Variants in EIF2B3 observed in about 807,000 individuals in gnomAD.
The protein encoded by EIF2B3 is eukaryotic translation initiation factor 2B subunit gamma, also known as translation initiation factor eIF2B subunit gamma.
In EIF2B3, 20 loss-of-function variants were observed where a neutral mutation model predicts 54.1. That is an observed-to-expected ratio of 0.37 (90% CI 0.26 to 0.54). EIF2B3 has a LOEUF of 0.54. Ranked by LOEUF, EIF2B3 falls within the 20% of genes least tolerant of loss-of-function variation. The pLI, the probability that EIF2B3 is intolerant of heterozygous loss-of-function variation, is 0.86. For missense variants in EIF2B3, 448 were observed against 547.8 expected, an observed-to-expected ratio of 0.82 and a Z score of 1.82; for synonymous variants, 153 against 188.1, an observed-to-expected ratio of 0.81 and a Z score of 1.52.
rs117332497 is a variant in EIF2B3 at position 44,927,668 on chromosome 1, G to C, written c.455-929C>G. Among the ~76,000 whole-genome samples, 655 of 152,256 alleles carry C rather than the reference G, an allele frequency of 4.3e-3. 3 individuals carry two copies. Among genetic ancestry groups the C allele is most frequent in the East Asian group, 7.7e-3 (40 of 5,172 alleles). ...TATTAATTGGTGACGTTTAAACAAG[G>C]TCTGTATGTTAAAGTATGGTACCAA... On this transcript the variant is annotated intron_variant, in intron 4 of 11. Transcript: ENST00000360403.
intron 10 of EIF2B3, among the ~76,000 whole-genome samples, chr1:44,866,174 G>A (rs527956211): frequency 1.3e-5 from 2 of 152,088 alleles, no homozygotes; most frequent in South Asian, 4.2e-4. Context: ...GGAGGTGGGC[G>A]GCTAATGAGG....
chr1:44,958,577 G>A (rs750673255), intron 3 of EIF2B3: 27 of 1,440,356 alleles, frequency 1.9e-5, no homozygotes, highest in Non-Finnish European at 2.6e-5. Context: ...GTGAAGACAT[G>A]CTACTTTGTA....
chr1:44,856,653 AGGCATAT>A (rs1460662955), intron 11 of EIF2B3, among the ~76,000 whole-genome samples: 4 of 152,066 alleles, frequency 2.6e-5, no homozygotes, highest in Non-Finnish European at 4.4e-5. Context: ...CCCAAAAGGA[AGGCATAT>A]GACTTTAAAA....
At chr1:44,950,540 TG>T (rs1376162216) in intron 3 of EIF2B3, among the ~76,000 whole-genome samples, 1 of 151,906 alleles carries the variant, frequency 6.6e-6, no homozygotes, top group Non-Finnish European at 1.5e-5. Context: ...GTTAGGGATA[TG>T]GGGTGGGGGT....
chr1:44,894,374 T>C (rs1367188536), intron 6 of EIF2B3, among the ~76,000 whole-genome samples: 1 of 152,156 alleles, frequency 6.6e-6, no homozygotes, highest in Non-Finnish European at 1.5e-5. Flanking sequence ...CTGTAGCTTT[T>C]CTGCTTGGTC....
chr1:44,926,658 T>C lies in EIF2B3; in HGVS notation c.536A>G (p.Glu179Gly). 1.2e-6 allele frequency: 2 copies of C among 1,614,030 alleles called. No individual in the cohort carries two copies. The highest frequency in any genetic ancestry group is 1.7e-6 in the Non-Finnish European group (2 of 1,179,982). The change falls in exon 5 of 12, where the codon GAG (glutamate) becomes GGG (glycine). Residue 179 changes from glutamate to glycine, a missense_variant. By Grantham distance (98) the Glu-to-Gly change is moderately conservative. Coordinates refer to ENST00000360403, the MANE Select transcript of EIF2B3 (RefSeq NM_020365.5). ...FMANEADLDE[E>G]LVIKGSILQK... ...TAGGATGGATCCCTTAATGACCAGCTCTTCATCCAAGTCTGCTTCATTAGC... is the reference window on the plus strand; with the variant it reads ...TAGGATGGATCCCTTAATGACCAGCCCTTCATCCAAGTCTGCTTCATTAGC...
At chr1:44,978,923 C>T (rs1030321104) in intron 2 of EIF2B3, among the ~76,000 whole-genome samples, 3 of 151,848 alleles carry the variant, frequency 2.0e-5, no homozygotes, top group Non-Finnish European at 2.9e-5. Flanking sequence ...AGACGTGAAC[C>T]ACTGCATCTG....
intron 3 of EIF2B3, among the ~76,000 whole-genome samples, chr1:44,970,735 A>T (rs1253145112): frequency 1.3e-5 from 2 of 152,196 alleles, no homozygotes; most frequent in Non-Finnish European, 2.9e-5. Flanking sequence ...TGTTAATTCT[A>T]ATCAGTTAAT....
intron 4 of EIF2B3, among the ~76,000 whole-genome samples, chr1:44,931,000 G>A (rs776469646): frequency 2.0e-5 from 3 of 152,102 alleles, no homozygotes; most frequent in Non-Finnish European, 2.9e-5. Context: ...GTTGCCTCCT[G>A]GTATTCACAT....
At chr1:44,873,235 T>A (rs1655019620) in intron 10 of EIF2B3, among the ~76,000 whole-genome samples, 1 of 152,210 alleles carries the variant, frequency 6.6e-6, no homozygotes, top group African/African-American at 2.4e-5. Context: ...GATTTTGTTA[T>A]GAAAATCAGC....
At chr1:44,908,956 G>A (rs1479893426) in intron 5 of EIF2B3, among the ~76,000 whole-genome samples, 1 of 152,212 alleles carries the variant, frequency 6.6e-6, no homozygotes, top group Admixed American at 6.5e-5. Context: ...CAGCTTCTGA[G>A]AGGAGTGGAA....
chr1:44,850,985 A>C lies in EIF2B3; in HGVS notation c.1325T>G (p.Val442Gly). The change falls in exon 12 of 12, where the codon GTG (valine) becomes GGG (glycine). Residue 442 changes from valine (V) to glycine (G), a missense_variant. By Grantham distance (109) the Val-to-Gly change is moderately radical (BLOSUM62 -3). Coordinates refer to ENST00000360403, the MANE Select transcript of EIF2B3 (RefSeq NM_020365.5). ...CATGAGCTGGTCATTCCCCACGATC[A>C]CCTCATTCACTCGTTTAGCTACAAA... ...IEAKAKRVNE[V>G]IVGNDQLMEI The C allele has an allele frequency of 6.2e-7, 1 of 1,613,920 alleles. No homozygotes were observed. The highest frequency in any genetic ancestry group is 1.3e-5 in the African/African-American group (1 of 74,956).
chr1:44,938,275 A>C (rs1314709351), intron 4 of EIF2B3, among the ~76,000 whole-genome samples: 1 of 152,188 alleles, frequency 6.6e-6, no homozygotes, highest in Non-Finnish European at 1.5e-5. Flanking sequence ...GAGGAATTTA[A>C]AACTCAATTA....
chr1:44,942,377 T>TTTTATATATATA (rs1318229963), intron 3 of EIF2B3, among the ~76,000 whole-genome samples: 9 of 21,598 alleles, frequency 4.2e-4, no homozygotes, highest in African/African-American at 2.4e-3. Flanking sequence ...CTTTCTGATT[T>TTTTATATATATA]TATATATATA....
chr1:44,882,665 A>T (rs893630803), intron 6 of EIF2B3, among the ~76,000 whole-genome samples: 4 of 148,858 alleles, frequency 2.7e-5, no homozygotes, highest in African/African-American at 1.0e-4. Context: ...CCCAGGCTGG[A>T]GTGCAGTGGC....
At chr1:44,902,009 T>G (rs555748113) in intron 5 of EIF2B3, among the ~76,000 whole-genome samples, 1 of 152,304 alleles carries the variant, frequency 6.6e-6, no homozygotes, top group South Asian at 2.1e-4. Context: ...TAAATCAATC[T>G]TTCTGCAAGT....
intron 5 of EIF2B3, among the ~76,000 whole-genome samples, chr1:44,921,281 G>T (rs921301122): frequency 6.6e-6 from 1 of 152,088 alleles, no homozygotes; most frequent in East Asian, 1.9e-4. Flanking sequence ...TCTATATTCT[G>T]GTTATTAATC....
chr1:44,926,577 T>C, intron 5 of EIF2B3, 51 bp downstream of exon 5: 4 of 1,492,396 alleles, frequency 2.7e-6, no homozygotes, highest in Non-Finnish European at 2.8e-6. Context: ...GGTGGTTTTA[T>C]TTTGTTTTAA....
intron 5 of EIF2B3, among the ~76,000 whole-genome samples, chr1:44,906,139 C>G (rs1482421884): frequency 1.3e-5 from 2 of 152,208 alleles, no homozygotes; most frequent in Non-Finnish European, 2.9e-5. Context: ...AATTTGCACT[C>G]CACTCTAGTC....
Sources: gnomAD v4.1 joint callset for allele counts (sites outside exome capture counted in the v4.1 genomes callset) on GRCh38, gnomAD v4.1.1 for gene constraint, MANE v1.5 for transcripts, NCBI Gene and HGNC (gene_info 2026-07-23, HGNC 2026-07-21) for gene names.